The following CELF4 variants were observed in gnomAD, a reference collection of about 807,000 sequenced individuals.
CELF4 encodes CUGBP Elav-like family member 4.
A neutral mutation model predicts 59.9 loss-of-function variants in CELF4; 18 were observed. The observed-to-expected ratio is 0.30, with a 90% CI of 0.21 to 0.45. CELF4 has a LOEUF of 0.45. Ranked by LOEUF, CELF4 falls within the 20% of genes least tolerant of loss-of-function variation. CELF4 has a pLI of 1.00. For missense variants in CELF4, 456 were observed against 689.0 expected (o/e 0.66, Z 3.79); for synonymous variants, 261 against 267.1 (o/e 0.98, Z 0.22).
intron 2 of CELF4, among the ~76,000 whole-genome samples, chr18:37,447,778 T>C (rs939233551): frequency 7.2e-5 from 11 of 152,246 alleles, no homozygotes; most frequent in Non-Finnish European, 1.3e-4. Context: ...CCTGAGTTTT[T>C]ATTGACTGCC....
intron 2 of CELF4, among the ~76,000 whole-genome samples, chr18:37,383,913 C>T (rs2099069725): frequency 6.6e-6 from 1 of 152,134 alleles, no homozygotes; most frequent in Admixed American, 6.5e-5. Context: ...CTCCCTAAAT[C>T]CACCATGTCT....
chr18:37,393,790 G>A (rs977617813), intron 2 of CELF4, among the ~76,000 whole-genome samples: 13 of 151,300 alleles, frequency 8.6e-5, no homozygotes, highest in African/African-American at 3.2e-4. Context: ...CTCTGAAGGT[G>A]CGGAGCACAC....
chr18:37,528,662 A>G (rs1228510755), intron 1 of CELF4, among the ~76,000 whole-genome samples: 1 of 152,148 alleles, frequency 6.6e-6, no homozygotes, highest in Non-Finnish European at 1.5e-5. Flanking sequence ...AGATATTTCT[A>G]GAAGAATACA....
chr18:37,449,310 TGTGACTGGGACAGC>T (rs1190506635), intron 2 of CELF4, among the ~76,000 whole-genome samples: 1 of 151,938 alleles, frequency 6.6e-6, no homozygotes, highest in Non-Finnish European at 1.5e-5. Context: ...ACTGGGCCAG[TGTGACTGGGACAGC>T]GGGATCATGG....
intron 1 of CELF4, among the ~76,000 whole-genome samples, chr18:37,533,924 C>T (rs112750172): frequency 0.011 from 1,658 of 152,212 alleles, 30 homozygotes; most frequent in African/African-American, 0.037. Context: ...GGGCTTGGTT[C>T]GGCGGATTAT....
chr18:37,292,084 C>A (rs927276838), intron 3 of CELF4, among the ~76,000 whole-genome samples: 1 of 152,104 alleles, frequency 6.6e-6, no homozygotes, highest in South Asian at 2.1e-4. Context: ...TTTTCCACCA[C>A]GTGCAATTAC....
chr18:37,417,188 T>C (rs1435204230), intron 2 of CELF4, among the ~76,000 whole-genome samples: 2 of 152,162 alleles, frequency 1.3e-5, no homozygotes, highest in African/African-American at 4.8e-5. Flanking sequence ...CAGGGAGAAC[T>C]TGCTGACTGG....
chr18:37,258,937 G>A (rs1365798933), intron 11 of CELF4: 4 of 567,740 alleles, frequency 7.0e-6, no homozygotes, highest in African/African-American at 1.9e-5. Context: ...GTGTGGGTAG[G>A]GAAAGCCAAG....
intron 2 of CELF4, among the ~76,000 whole-genome samples, chr18:37,388,392 C>T (rs917871061): frequency 1.3e-5 from 2 of 151,706 alleles, no homozygotes; most frequent in Admixed American, 6.6e-5. Flanking sequence ...TTTGCTTCTC[C>T]TCTTCCCTCC....
chr18:37,368,304 C>G (rs979355115), intron 2 of CELF4, among the ~76,000 whole-genome samples: 3 of 152,138 alleles, frequency 2.0e-5, no homozygotes, highest in African/African-American at 7.2e-5. Flanking sequence ...CCCATCCTTC[C>G]CTCCTCCCTG....
chr18:37,542,129 G>A (rs1467978088), intron 1 of CELF4, among the ~76,000 whole-genome samples: 2 of 152,114 alleles, frequency 1.3e-5, no homozygotes, highest in Admixed American at 1.3e-4. Context: ...AGAAGTGGGA[G>A]CTCATAAATG....
At chr18:37,266,745 T>A in intron 8 of CELF4, 147 bp from the exon 9 acceptor site, 1 of 713,564 alleles carries the variant, frequency 1.4e-6, no homozygotes, top group Non-Finnish European at 2.3e-6. Context: ...ACAGAAACCC[T>A]GAGTGCCTGG....
chr18:37,395,786 C>T (rs1023310109), intron 2 of CELF4, among the ~76,000 whole-genome samples: 1 of 152,206 alleles, frequency 6.6e-6, no homozygotes, highest in Non-Finnish European at 1.5e-5. Context: ...AGACCCAGTC[C>T]TGAGGCCCCC....
intron 2 of CELF4, among the ~76,000 whole-genome samples, chr18:37,412,912 T>C (rs891138736): frequency 2.6e-4 from 40 of 151,918 alleles, no homozygotes; most frequent in African/African-American, 9.7e-4. Context: ...GGTTGGTGAA[T>C]TGGGTCAGAA....
intron 2 of CELF4, among the ~76,000 whole-genome samples, chr18:37,484,110 A>C (rs1248452759): frequency 2.0e-5 from 3 of 152,020 alleles, no homozygotes; most frequent in Non-Finnish European, 2.9e-5. Flanking sequence ...ATCTCTCTCA[A>C]GCTGATGAAG....
intron 1 of CELF4, 76 bp downstream of exon 1, chr18:37,565,280 C>T: frequency 6.9e-7 from 1 of 1,450,412 alleles, no homozygotes; most frequent in Non-Finnish European, 9.2e-7. Context: ...CGCCGCTCGT[C>T]AGTCGCCGGC....
At chr18:37,397,132 C>G (rs901543577) in intron 2 of CELF4, among the ~76,000 whole-genome samples, 37 of 152,158 alleles carry the variant, frequency 2.4e-4, no homozygotes, top group Admixed American at 7.9e-4. Flanking sequence ...CCTCATGCCT[C>G]CCAGACATTA....
At chr18:37,258,307 C>G (rs1304022738) in intron 11 of CELF4, among the ~76,000 whole-genome samples, 1 of 151,128 alleles carries the variant, frequency 6.6e-6, no homozygotes, top group Non-Finnish European at 1.5e-5. Context: ...GACACCACAC[C>G]CCCGCGCCTG....
intron 2 of CELF4, among the ~76,000 whole-genome samples, chr18:37,450,484 T>C (rs1038833974): frequency 2.0e-5 from 3 of 151,492 alleles, no homozygotes; most frequent in African/African-American, 7.3e-5. Flanking sequence ...CATTTCCCTC[T>C]GTCTCCCCGC....
Sources: allele counts gnomAD v4.1 joint callset (sites outside exome capture counted in the v4.1 genomes callset), GRCh38; gene constraint gnomAD v4.1.1; transcripts MANE v1.5; gene names NCBI Gene and HGNC (gene_info 2026-07-23, HGNC 2026-07-21).